HIBADH: variants seen among roughly 807,000 people sequenced by gnomAD.
The protein encoded by HIBADH is 3-hydroxyisobutyrate dehydrogenase, also known as 3-hydroxyisobutyrate dehydrogenase, mitochondrial.
A neutral mutation model predicts 36.1 loss-of-function variants in HIBADH; 25 were observed. The ratio of observed to expected loss-of-function variants is 0.69; its 90% CI spans 0.50 to 0.97. HIBADH has a LOEUF of 0.97. Among genes scored for constraint, HIBADH ranks in the 50% least tolerant of loss-of-function variants. HIBADH has a pLI of 0.00. For synonymous variants in HIBADH, 160 were observed against 149.5 expected (o/e 1.07, Z -0.51); for missense variants, 421 against 418.0 (o/e 1.01, Z -0.06).
chr7:27,542,439 T>G (rs954380275), intron 5 of HIBADH, among the ~76,000 whole-genome samples: 1 of 10,970 alleles, frequency 9.1e-5, no homozygotes, highest in Non-Finnish European at 1.4e-4. Flanking sequence ...TTTTTTCCCG[T>G]TTTTTTTTTT....
intron 2 of HIBADH, among the ~76,000 whole-genome samples, chr7:27,648,992 T>C (rs1786126585): frequency 6.6e-6 from 1 of 152,220 alleles, no homozygotes; most frequent in Admixed American, 6.5e-5. Context: ...TAGGTTGTCA[T>C]CGTTCACATT....
At chr7:27,587,149 T>TC (rs1399482051) in intron 4 of HIBADH, among the ~76,000 whole-genome samples, 2 of 152,234 alleles carry the variant, frequency 1.3e-5, no homozygotes, top group African/African-American at 4.8e-5. Flanking sequence ...CACTGACAGT[T>TC]CACATTTTTT....
intron 4 of HIBADH, among the ~76,000 whole-genome samples, chr7:27,625,776 T>C (rs1373914763): frequency 1.3e-5 from 2 of 152,128 alleles, no homozygotes; most frequent in East Asian, 3.9e-4. Context: ...TCATAGCCTA[T>C]AAATATAGCG....
At chr7:27,606,531 C>T (rs1202344279) in intron 4 of HIBADH, among the ~76,000 whole-genome samples, 1 of 152,256 alleles carries the variant, frequency 6.6e-6, no homozygotes, top group Non-Finnish European at 1.5e-5. Context: ...TAGGCGCCAG[C>T]TGATAAACAA....
At chr7:27,650,516 G>A (rs60822008) in intron 1 of HIBADH, among the ~76,000 whole-genome samples, 8 of 141,432 alleles carry the variant, frequency 5.7e-5, no homozygotes, top group African/African-American at 1.3e-4. Context: ...TTTTTGAGAC[G>A]GAGTCTCACT....
intron 4 of HIBADH, among the ~76,000 whole-genome samples, chr7:27,604,028 T>G (rs945339898): frequency 2.0e-5 from 3 of 152,086 alleles, no homozygotes; most frequent in Non-Finnish European, 4.4e-5. Context: ...CCCCTCCTCC[T>G]CCACTTAGAC....
At position 27,568,163 on chromosome 7, in the gene HIBADH, C is replaced by T. The variant is rs1784575531; in HGVS notation, c.485-25063G>A. ...TTCTTTCCTGCAGTTCTATAGTTCT[C>T]TCTGGTATCAGTTTCCTTTTACCTG... is the stretch of plus-strand genomic sequence containing the variant. On this transcript the variant is annotated intron_variant, in intron 4 of 7. Transcript: ENST00000265395. Among the ~76,000 whole-genome samples the T allele has an allele frequency of 1.3e-5, 2 of 152,162 alleles. 1 individual carries two copies. Among genetic ancestry groups the T allele is most frequent in the African/African-American group, 4.8e-5 (2 of 41,448 alleles).
intron 1 of HIBADH, among the ~76,000 whole-genome samples, chr7:27,658,124 T>G (rs887974096): frequency 1.3e-5 from 2 of 151,792 alleles, no homozygotes; most frequent in African/African-American, 4.9e-5. Flanking sequence ...GTGAAACACC[T>G]GAATAAGCGC....
chr7:27,616,401 A>G (rs1785428895), intron 4 of HIBADH, among the ~76,000 whole-genome samples: 1 of 152,134 alleles, frequency 6.6e-6, no homozygotes, highest in Admixed American at 6.5e-5. Context: ...ATATCAAATG[A>G]GTGAATGTGA....
In HIBADH at chr7:27,526,362, A is replaced by G. The variant is rs1417552771; in HGVS notation, c.863T>C (p.Leu288Ser). The stretch of plus-strand genomic sequence containing the variant: ...TGTGCTGGTAGCAGAGTCTTGTGCC[A>G]ATCCCAGATCCTAAATCAAACAGGA... ...GTTLMAKDLG[L>S]AQDSATSTKS... Residue 288 changes from leucine (L) to serine (S), a missense_variant, in exon 8 of 8, where the codon TTG (leucine) becomes TCG (serine). Physicochemically the swap from Leu to Ser is moderately radical, Grantham distance 145. Coordinates refer to ENST00000265395, the MANE Select transcript of HIBADH (RefSeq NM_152740.4). 2 of 1,609,982 alleles carry G rather than the reference A, an allele frequency of 1.2e-6. No individual in the cohort carries two copies. The highest frequency in any genetic ancestry group is 3.4e-5 in the Admixed American group (2 of 59,448).
intron 4 of HIBADH, among the ~76,000 whole-genome samples, chr7:27,598,334 T>C (rs1785064782): frequency 6.6e-6 from 1 of 152,224 alleles, no homozygotes; most frequent in Non-Finnish European, 1.5e-5. Flanking sequence ...AATCCTTCAT[T>C]ATCTAGATAT....
chr7:27,617,986 A>T (rs754839601), intron 4 of HIBADH, among the ~76,000 whole-genome samples: 7 of 152,202 alleles, frequency 4.6e-5, no homozygotes, highest in Non-Finnish European at 1.5e-5. Flanking sequence ...ACCTGGGACA[A>T]AGGAAACTGA....
chr7:27,659,355 G>T (rs1786370675), intron 1 of HIBADH, among the ~76,000 whole-genome samples: 2 of 152,146 alleles, frequency 1.3e-5, no homozygotes, highest in South Asian at 4.1e-4. Context: ...AACAGGTGAT[G>T]AAATAGTAAT....
chr7:27,637,409 A>G (rs946519172), intron 2 of HIBADH, among the ~76,000 whole-genome samples: 4 of 152,328 alleles, frequency 2.6e-5, no homozygotes, highest in Non-Finnish European at 4.4e-5. Context: ...AAAAGATGCT[A>G]AAAGTTGAAA....
At chr7:27,595,582 G>A (rs1785020209) in intron 4 of HIBADH, among the ~76,000 whole-genome samples, 2 of 10,512 alleles carry the variant, frequency 1.9e-4, no homozygotes, top group South Asian at 3.7e-3. Context: ...AAGGGCAGGT[G>A]TGTGTGTGTG....
chr7:27,572,738 A>G (rs776626481), intron 4 of HIBADH, among the ~76,000 whole-genome samples: 1 of 152,184 alleles, frequency 6.6e-6, no homozygotes, highest in Non-Finnish European at 1.5e-5. Context: ...TATTTACTGA[A>G]TATCTTCTGT....
chr7:27,577,167 T>TC (rs1491256412), intron 4 of HIBADH, among the ~76,000 whole-genome samples: 2 of 147,850 alleles, frequency 1.4e-5, no homozygotes. Context: ...CATTTCTCTC[T>TC]TTTTTTTTTT....
At chr7:27,553,152 T>C (rs750913898) in intron 4 of HIBADH, among the ~76,000 whole-genome samples, 7 of 152,170 alleles carry the variant, frequency 4.6e-5, no homozygotes, top group Non-Finnish European at 8.8e-5. Flanking sequence ...GCTGAGATTC[T>C]TCAAAATAGA....
chr7:27,650,942 C>G (rs1055376604), intron 1 of HIBADH, among the ~76,000 whole-genome samples: 4 of 152,122 alleles, frequency 2.6e-5, no homozygotes, highest in African/African-American at 9.7e-5. Context: ...TGACAGAGCT[C>G]AGAGACAGAC....
Sources: gnomAD v4.1 joint callset for allele counts (sites outside exome capture counted in the v4.1 genomes callset) on GRCh38, gnomAD v4.1.1 for gene constraint, MANE v1.5 for transcripts, NCBI Gene and HGNC (gene_info 2026-07-23, HGNC 2026-07-21) for gene names.